The following NEK1 variants were observed in gnomAD, a reference collection of about 807,000 sequenced individuals.
NEK1 encodes serine/threonine-protein kinase Nek1.
A neutral mutation model predicts 182.1 loss-of-function variants in NEK1; 137 were observed. The ratio of observed to expected loss-of-function variants is 0.75; its 90% CI spans 0.65 to 0.87. The LOEUF is 0.87. Ranked by LOEUF, NEK1 falls within the 40% of genes least tolerant of loss-of-function variation. NEK1 has a pLI of 0.00. For synonymous variants in NEK1, 513 were observed against 492.2 expected, an observed-to-expected ratio of 1.04 and a Z score of -0.56; for missense variants, 1,391 against 1,494.4, an observed-to-expected ratio of 0.93 and a Z score of 1.14.
At chr4:169,492,910 A>C (rs1390488114) in intron 23 of NEK1, among the ~76,000 whole-genome samples, 1 of 152,180 alleles carries the variant, frequency 6.6e-6, no homozygotes, top group Admixed American at 6.5e-5. Flanking sequence ...GGCAGCGCCA[A>C]TGCCTCGGAA....
At chr4:169,598,600 CT>C (rs2150126925) in intron 5 of NEK1, among the ~76,000 whole-genome samples, 1 of 152,116 alleles carries the variant, frequency 6.6e-6, no homozygotes, top group South Asian at 2.1e-4. Flanking sequence ...CAATAAATAT[CT>C]GTTAAAGCAA....
chr4:169,552,570 T>A (rs140314722), intron 18 of NEK1, among the ~76,000 whole-genome samples: 2 of 152,174 alleles, frequency 1.3e-5, no homozygotes, highest in Non-Finnish European at 1.5e-5. Flanking sequence ...CTTTTCAACA[T>A]CATATTGGAA....
chr4:169,418,103 G>C (rs1242840908), intron 31 of NEK1, among the ~76,000 whole-genome samples: 3 of 152,186 alleles, frequency 2.0e-5, no homozygotes, highest in Non-Finnish European at 2.9e-5. Context: ...AGCTCATGCA[G>C]GTAGGAGATG....
At chr4:169,570,707 A>G (rs1243006207) in intron 12 of NEK1, among the ~76,000 whole-genome samples, 2 of 152,196 alleles carry the variant, frequency 1.3e-5, no homozygotes, top group African/African-American at 2.4e-5. Flanking sequence ...ACCAGCTATG[A>G]TGACAGTGGC....
chr4:169,512,818 T>C (rs775300384), intron 19 of NEK1, among the ~76,000 whole-genome samples: 4 of 152,162 alleles, frequency 2.6e-5, no homozygotes, highest in Non-Finnish European at 4.4e-5. Flanking sequence ...CTTATGGATG[T>C]CCAATTCCTC....
At chr4:169,563,535 T>A (rs1763254696) in intron 12 of NEK1, among the ~76,000 whole-genome samples, 1 of 152,184 alleles carries the variant, frequency 6.6e-6, no homozygotes, top group Admixed American at 6.5e-5. Flanking sequence ...TCATATCAAA[T>A]GTAAATACGA....
chr4:169,506,810 T>C (rs1345775622), intron 23 of NEK1: 2 of 252,908 alleles, frequency 7.9e-6, no homozygotes, highest in Non-Finnish European at 1.5e-5. Flanking sequence ...AAATTAGTTC[T>C]GACTTCAAAT....
intron 27 of NEK1, among the ~76,000 whole-genome samples, chr4:169,452,280 T>A (rs62241098): frequency 6.6e-6 from 1 of 152,092 alleles, no homozygotes; most frequent in African/African-American, 2.4e-5. Context: ...ACTATTCCAA[T>A]CAATAGAAAA....
At chr4:169,492,547 T>A (rs1437385886) in intron 23 of NEK1, among the ~76,000 whole-genome samples, 3 of 152,070 alleles carry the variant, frequency 2.0e-5, no homozygotes, top group African/African-American at 7.2e-5. Context: ...TCGGTGGCGA[T>A]TAGAGGACTT....
In NEK1 at chr4:169,508,806, G is replaced by A. The variant is rs762611474; in HGVS notation, c.1712C>T (p.Ser571Phe). The A allele has an allele frequency of 6.3e-7, 1 of 1,591,040 alleles. No individual in the cohort carries two copies. The highest frequency in any genetic ancestry group is 1.7e-5 in the Admixed American group (1 of 59,136). Residue 571 changes from serine to phenylalanine, a missense_variant, in exon 20 of 36, where the codon TCT becomes TTT. Ser to Phe is a radical substitution (Grantham distance 155). Around this residue, in one of 5 missense-constraint regions of NEK1, gnomAD observed 1,216 missense variants for 1,277.6 expected, o/e 0.95. Coordinates refer to ENST00000507142, the MANE Select transcript of NEK1 (RefSeq NM_001199397.3). ...GTTTCTTGGCTTCCCTCCTCTTGAA[G>A]AGCTGGGCCTGCCTCCATACATAGC... ...LAAMYGGRPS[S>F]SRGGKPRNKE...
In NEK1 at chr4:169,599,123, C is replaced by T. The variant is rs762190074; in HGVS notation, c.289G>A (p.Gly97Ser). Residue 97 changes from glycine (G) to serine (S), a missense_variant, in exon 5 of 36, where the codon GGC becomes AGC. Coordinates refer to ENST00000507142, the MANE Select transcript of NEK1 (RefSeq NM_001199397.3). Reference protein sequence around the residue: ...DLFKRINAQKGVLFQEDQILD... With the variant: ...DLFKRINAQKSVLFQEDQILD... ...ACCTGATCCTCTTGAAACAAAACGC[C>T]TTTCTGAGCATTTATTCGCTTAAAC... is the stretch of plus-strand genomic sequence containing the variant. 6.2e-7 allele frequency: 1 copy of T among 1,613,324 alleles called. No individual in the cohort carries two copies. The highest frequency in any genetic ancestry group is 8.5e-7 in the Non-Finnish European group (1 of 1,179,640).
At chr4:169,610,562 C>T (rs1032411047) in intron 2 of NEK1, among the ~76,000 whole-genome samples, 3 of 152,242 alleles carry the variant, frequency 2.0e-5, no homozygotes, top group South Asian at 2.1e-4. Flanking sequence ...ATCCACCCAC[C>T]GTGGCCTCCC....
intron 23 of NEK1, among the ~76,000 whole-genome samples, chr4:169,506,059 C>G (rs916084446): frequency 4.0e-5 from 6 of 148,246 alleles, no homozygotes; most frequent in African/African-American, 1.5e-4. Flanking sequence ...TAATATAATA[C>G]TAATCAAAAT....
chr4:169,424,730 GA>G lies in NEK1; in HGVS notation c.3044del (p.Phe1015SerfsTer10), dbSNP rs1736074203. 2 of 1,613,572 alleles carry G rather than the reference GA, an allele frequency of 1.2e-6. No homozygotes were observed. The highest frequency in any genetic ancestry group is 1.7e-6 in the Non-Finnish European group (2 of 1,179,722). ...VDKSVQPEPF[F>X]HKVVHSEHLN... Reference sequence around the variant, plus strand: ...AGTGTTCAGAATGAACCACCTTATGGAAAAATGGTTCCGGTTGCACAGACTT... The same window carrying G: ...AGTGTTCAGAATGAACCACCTTATGGAAAATGGTTCCGGTTGCACAGACTT... On this transcript the variant is annotated frameshift_variant, in exon 31 of 36. Coordinates refer to ENST00000507142, the MANE Select transcript of NEK1 (RefSeq NM_001199397.3). LOFTEE classifies it high-confidence loss of function.
chr4:169,524,995 G>C (rs1327243511), intron 19 of NEK1, among the ~76,000 whole-genome samples: 2 of 152,172 alleles, frequency 1.3e-5, no homozygotes, highest in Admixed American at 1.3e-4. Flanking sequence ...AAAAATGTTT[G>C]CCAATCCTTG....
intron 2 of NEK1, among the ~76,000 whole-genome samples, chr4:169,605,248 C>G (rs1771146361): frequency 6.6e-6 from 1 of 152,148 alleles, no homozygotes; most frequent in African/African-American, 2.4e-5. Flanking sequence ...TCCAAAAGTC[C>G]CCAGTGTTGC....
Position 169,508,295 on chromosome 4 carries a change from T to C in NEK1, c.1786A>G (p.Asn596Asp). The change falls in exon 21 of 36, where the codon AAT (asparagine) becomes GAT (aspartate). Residue 596 changes from asparagine to aspartate, a missense_variant. Transcript: ENST00000507142. Reference protein sequence around the residue: ...LARLRQIRLQNFNERQQIKAK... With the variant: ...LARLRQIRLQDFNERQQIKAK... ...TTAATCTGTTGGCGCTCATTGAAAT[T>C]CTGTAGTCTTATTTGCCTCAGTCTT... The C allele has an allele frequency of 6.3e-7, 1 of 1,592,696 alleles. No homozygotes were observed. Among genetic ancestry groups the C allele is most frequent in the East Asian group, 2.3e-5 (1 of 44,196 alleles).
rs188631197 is a variant in NEK1 at position 169,408,222 on chromosome 4, A to G, written c.3223-1475T>C. Among the ~76,000 whole-genome samples, 951 of 152,276 alleles carry G rather than the reference A, an allele frequency of 6.2e-3. 10 individuals are homozygous for G. Among genetic ancestry groups the G allele is most frequent in the African/African-American group, 0.022 (911 of 41,542 alleles). ...TTCTGGCCCTGGTAAAATAAACTCA[A>G]TTCTAGTTTACTCCTTTTGTTAACC... On this transcript the variant is annotated intron_variant, in intron 31 of 35. Coordinates refer to ENST00000507142, the MANE Select transcript of NEK1 (RefSeq NM_001199397.3).
intron 18 of NEK1, among the ~76,000 whole-genome samples, chr4:169,548,281 T>C (rs985976296): frequency 1.3e-5 from 2 of 152,230 alleles, no homozygotes; most frequent in African/African-American, 4.8e-5. Flanking sequence ...TTCGCCTGGG[T>C]ATCACTGGCA....
Sources: allele counts gnomAD v4.1 joint callset (sites outside exome capture counted in the v4.1 genomes callset), GRCh38; gene constraint gnomAD v4.1.1; regional missense constraint gnomAD v4.1.1; transcripts MANE v1.5; gene names NCBI Gene and HGNC (gene_info 2026-07-23, HGNC 2026-07-21).